Variants in GPR107 observed in about 807,000 individuals in gnomAD.
The protein encoded by GPR107 is G protein-coupled receptor 107.
A neutral mutation model predicts 75.5 loss-of-function variants in GPR107; 31 were observed. That is an observed-to-expected ratio of 0.41 (90% CI 0.31 to 0.55). GPR107 has a LOEUF of 0.55. Ranked by LOEUF, GPR107 falls within the 20% of genes least tolerant of loss-of-function variation. The pLI is 0.26. For missense variants in GPR107, 572 were observed against 665.7 expected (o/e 0.86, Z 1.55); for synonymous variants, 267 against 251.3 (o/e 1.06, Z -0.59).
At chr9:130,064,986 G>T (rs1288406098) in intron 1 of GPR107, among the ~76,000 whole-genome samples, 1 of 152,150 alleles carries the variant, frequency 6.6e-6, no homozygotes, top group Admixed American at 6.6e-5. Flanking sequence ...AACTGTGAGA[G>T]AACAAACTTC....
At chr9:130,087,805 CA>C (rs35984705) in intron 7 of GPR107, among the ~76,000 whole-genome samples, 36,254 of 86,436 alleles carry the variant, frequency 0.42, 4,399 homozygotes, top group Middle Eastern at 0.54. Context: ...GACCCTGTCT[CA>C]AAAAAAAAAA....
chr9:130,086,535 AT>A (rs1053441758), intron 7 of GPR107, 59 bp downstream of exon 7: 328 of 970,752 alleles, frequency 3.4e-4, no homozygotes, highest in Non-Finnish European at 4.1e-4. Flanking sequence ...TAAAAGGGTA[AT>A]TTTTTTTTAG....
At chr9:130,134,549 TC>T (rs1831904416) in intron 17 of GPR107, among the ~76,000 whole-genome samples, 1 of 152,222 alleles carries the variant, frequency 6.6e-6, no homozygotes, top group Admixed American at 6.5e-5. Context: ...CCTGGAAGGT[TC>T]CTCTAAACCT....
intron 14 of GPR107, among the ~76,000 whole-genome samples, chr9:130,118,979 T>A (rs1453773597): frequency 1.3e-5 from 2 of 152,210 alleles, no homozygotes; most frequent in East Asian, 3.9e-4. Flanking sequence ...CCGTATTTGC[T>A]GCTCCTCATG....
intron 1 of GPR107, among the ~76,000 whole-genome samples, chr9:130,068,874 G>A (rs1266911239): frequency 1.3e-5 from 2 of 151,928 alleles, no homozygotes; most frequent in Non-Finnish European, 2.9e-5. Flanking sequence ...GAGTAGCTGG[G>A]ACCACAGGTG....
intron 14 of GPR107, among the ~76,000 whole-genome samples, chr9:130,117,547 T>G (rs1179536236): frequency 6.6e-6 from 1 of 152,188 alleles, no homozygotes; most frequent in Non-Finnish European, 1.5e-5. Flanking sequence ...GGCCTGTATC[T>G]GACCACAAAC....
At chr9:130,066,812 C>T (rs550378069) in intron 1 of GPR107, among the ~76,000 whole-genome samples, 24 of 152,156 alleles carry the variant, frequency 1.6e-4, no homozygotes, top group African/African-American at 5.1e-4. Flanking sequence ...GATGAAACCC[C>T]GTCTCTACTA....
chr9:130,119,451 T>A (rs1485491373), intron 14 of GPR107, among the ~76,000 whole-genome samples: 1 of 152,214 alleles, frequency 6.6e-6, no homozygotes, highest in African/African-American at 2.4e-5. Flanking sequence ...GCTTTCTGTG[T>A]ACTATCCCAT....
intron 1 of GPR107, among the ~76,000 whole-genome samples, chr9:130,068,237 G>T (rs972712268): frequency 2.6e-5 from 4 of 152,106 alleles, no homozygotes; most frequent in African/African-American, 9.7e-5. Flanking sequence ...CGCAGGGGAA[G>T]GGGTAGCAGA....
rs112632282 is a variant in GPR107 at position 130,054,091 on chromosome 9, C to T, written c.141+18C>T. 10 of 1,527,166 alleles carry T rather than the reference C, an allele frequency of 6.5e-6. No homozygotes were observed. In the African/African-American group the frequency reaches 8.5e-5, roughly 13 times the overall value. The allele number at this position is 1,527,166 out of a possible 1,614,324, so 94.6% of individuals were successfully genotyped here. On this transcript the variant is annotated intron_variant, in intron 1 of 17. Transcript: ENST00000347136. ...CACTCAAGGTAAAGCTTGGCAAGGC[C>T]GGGCCGGGGGGCGGAGGCCGAGGCC...
At chr9:130,133,647 C>T (rs1317986815) in intron 17 of GPR107, among the ~76,000 whole-genome samples, 1 of 152,236 alleles carries the variant, frequency 6.6e-6, no homozygotes, top group Non-Finnish European at 1.5e-5. Flanking sequence ...AGACACAAGC[C>T]AGCTGGCCAG....
chr9:130,129,371 T>C (rs1470089351), intron 17 of GPR107: 1 of 152,344 alleles, frequency 6.6e-6, no homozygotes, highest in Non-Finnish European at 1.5e-5. Context: ...GCCAGGTCAA[T>C]GCTGTGTTTG....
chr9:130,079,711 G>A lies in GPR107; in HGVS notation c.468G>A (p.Gln156=). 6.2e-7 allele frequency: 1 copy of A among 1,612,902 alleles called. No individual in the cohort carries two copies. Among genetic ancestry groups the A allele is most frequent in the Non-Finnish European group, 8.5e-7 (1 of 1,179,022 alleles). ...GCAGGGATGAGAAAGTCCTTGGTCA[G>A]AGCCAGGAGCCTAATGTTAACCCTG... ...IFSRDEKVLG[Q]SQEPNVNPAS... Residue 156 remains glutamine, a synonymous_variant, in exon 5 of 18, where the codon CAG becomes CAA. Coordinates refer to ENST00000347136, the MANE Select transcript of GPR107 (RefSeq NM_020960.5).
chr9:130,116,017 A>G (rs1329384314), intron 14 of GPR107, among the ~76,000 whole-genome samples: 2 of 152,246 alleles, frequency 1.3e-5, no homozygotes, highest in Non-Finnish European at 2.9e-5. Flanking sequence ...CTGTAATGCC[A>G]TCAACTGAGT....
At chr9:130,113,421 G>A (rs892049272) in intron 14 of GPR107, among the ~76,000 whole-genome samples, 6 of 151,266 alleles carry the variant, frequency 4.0e-5, no homozygotes, top group African/African-American at 1.2e-4. Flanking sequence ...TTGTAGAGAC[G>A]GGGTCTCAAT....
chr9:130,061,800 C>T (rs546003025), intron 1 of GPR107, among the ~76,000 whole-genome samples: 96 of 152,084 alleles, frequency 6.3e-4, no homozygotes, highest in Non-Finnish European at 1.0e-3. Context: ...AAAAATTAGC[C>T]GGGCATGGTG....
chr9:130,077,958 G>A (rs1434148624), intron 4 of GPR107, among the ~76,000 whole-genome samples: 1 of 152,202 alleles, frequency 6.6e-6, no homozygotes, highest in Admixed American at 6.5e-5. Context: ...GAGGTCAGGA[G>A]ATTGAGACCA....
chr9:130,059,286 G>A (rs1012568263), intron 1 of GPR107, among the ~76,000 whole-genome samples: 1 of 152,070 alleles, frequency 6.6e-6, no homozygotes, highest in Non-Finnish European at 1.5e-5. Flanking sequence ...TCAGGAGTTC[G>A]AGACCAGCCT....
rs1589532154 is a variant in GPR107, at chr9:130,127,506, T to C, written c.1380T>C (p.Thr460=). ...YVLIVCYIYF[T]RIIAFLLKLA... Reference sequence around the variant, plus strand: ...AGATTGTGTGTTACATATACTTCACTAGGATCATTGCATTTCTCCTCAAAC... The same window carrying C: ...AGATTGTGTGTTACATATACTTCACCAGGATCATTGCATTTCTCCTCAAAC... The change falls in exon 16 of 18, where the codon ACT becomes ACC. Residue 460 remains threonine (T), a synonymous_variant. Coordinates refer to ENST00000347136, the MANE Select transcript of GPR107 (RefSeq NM_020960.5). The C allele has an allele frequency of 1.3e-6, 2 of 1,594,234 alleles. No individual in the cohort carries two copies. The highest frequency in any genetic ancestry group is 1.3e-5 in the African/African-American group (1 of 74,550).
Sources: gnomAD v4.1 joint callset for allele counts (sites outside exome capture counted in the v4.1 genomes callset) on GRCh38, gnomAD v4.1.1 for gene constraint, MANE v1.5 for transcripts, NCBI Gene and HGNC (gene_info 2026-07-23, HGNC 2026-07-21) for gene names.